The following KLRD1 variants were observed in gnomAD, a reference collection of about 807,000 sequenced individuals.
KLRD1 encodes killer cell lectin like receptor D1.
In KLRD1, 21 loss-of-function variants were observed where a neutral mutation model predicts 22.6. The observed-to-expected ratio is 0.93, with a 90% CI of 0.66 to 1.34. The LOEUF (loss-of-function observed/expected upper bound fraction) is 1.34. Among genes scored for constraint, KLRD1 ranks in the 40% most tolerant of loss-of-function variants. KLRD1 has a pLI of 0.00. For synonymous variants in KLRD1, 59 were observed against 71.1 expected, an observed-to-expected ratio of 0.83 and a Z score of 0.85; for missense variants, 183 against 208.6, an observed-to-expected ratio of 0.88 and a Z score of 0.76.
Position 10,311,571 on chromosome 12 carries a change from T to C in KLRD1, c.271T>C (p.Ser91Pro). ...TWNESRHLCASQKSSLLQLQN... is the reference protein window; with the variant it reads ...TWNESRHLCAPQKSSLLQLQN... ...GAACGAAAGTCGGCATCTCTGTGCT[T>C]CTCAGAAATCCAGCCTGCTTCAGCT... The change falls in exon 4 of 6, where the codon TCT (serine) becomes CCT (proline). Residue 91 changes from serine (S) to proline (P), a missense_variant. By Grantham distance (74) the Ser-to-Pro change is moderately conservative. Coordinates refer to ENST00000336164, the MANE Select transcript of KLRD1 (RefSeq NM_002262.5). 1 of 1,614,164 alleles carries C rather than the reference T, an allele frequency of 6.2e-7. No individual in the cohort carries two copies. Among genetic ancestry groups the C allele is most frequent in the Non-Finnish European group, 8.5e-7 (1 of 1,179,986 alleles).
At position 10,314,884 on chromosome 12, in the gene KLRD1, T is replaced by TAA; in HGVS notation, c.*91_*92insAA. 1 of 1,198,264 alleles carries TAA rather than the reference T, an allele frequency of 8.3e-7. No individual in the cohort carries two copies. The highest frequency in any genetic ancestry group is 2.6e-5 in the East Asian group (1 of 39,180). 74.2% of individuals were successfully genotyped at this position (1,198,264 alleles called of 1,614,324 possible). On this transcript the variant is annotated 3_prime_UTR_variant, in exon 6 of 6. Coordinates refer to ENST00000336164, the MANE Select transcript of KLRD1 (RefSeq NM_002262.5). ...TGTTATATTATTACTAATTGTCTACTTCTGGAGTCTATAAAATGTTTTTAA... is the reference window on the plus strand; with the variant it reads ...TGTTATATTATTACTAATTGTCTACTAATCTGGAGTCTATAAAATGTTTTTAA...
chr12:10,244,951 T>C (rs1164948663), intron 1 of KLRD1, among the ~76,000 whole-genome samples: 1 of 152,198 alleles, frequency 6.6e-6, no homozygotes, highest in Non-Finnish European at 1.5e-5. Context: ...TGTCAGGCTT[T>C]GTGTAAAGCA....
intron 1 of KLRD1, among the ~76,000 whole-genome samples, chr12:10,293,956 C>T (rs1949799788): frequency 6.6e-6 from 1 of 152,122 alleles, no homozygotes; most frequent in Non-Finnish European, 1.5e-5. Context: ...TTTTTATTCC[C>T]TTGGTATGAA....
chr12:10,284,292 A>G (rs1487026640), intron 1 of KLRD1, among the ~76,000 whole-genome samples: 1 of 152,250 alleles, frequency 6.6e-6, no homozygotes, highest in East Asian at 1.9e-4. Context: ...TAGGTTTACT[A>G]TAACATGTGT....
intron 1 of KLRD1, among the ~76,000 whole-genome samples, chr12:10,267,917 C>T (rs546792372): frequency 1.3e-4 from 20 of 152,182 alleles, no homozygotes; most frequent in African/African-American, 4.3e-4. Flanking sequence ...GAGGCTGGTT[C>T]GGGAGAAAGG....
At chr12:10,261,659 A>C (rs1949455327) in intron 1 of KLRD1, among the ~76,000 whole-genome samples, 1 of 152,190 alleles carries the variant, frequency 6.6e-6, no homozygotes, top group African/African-American at 2.4e-5. Context: ...GGATCAGCAA[A>C]GCATAATGAC....
chr12:10,307,431 T>C (rs1191640724), upstream of KLRD1, among the ~76,000 whole-genome samples: 1 of 152,140 alleles, frequency 6.6e-6, no homozygotes, highest in Non-Finnish European at 1.5e-5. Flanking sequence ...GAAATCCCAA[T>C]TTATGTGACC....
At chr12:10,284,839 G>T (rs1029825759) in intron 1 of KLRD1, among the ~76,000 whole-genome samples, 6 of 152,022 alleles carry the variant, frequency 3.9e-5, no homozygotes, top group Admixed American at 6.6e-5. Flanking sequence ...AAATTAGCCG[G>T]GCATGGTGGT....
intron 1 of KLRD1, among the ~76,000 whole-genome samples, chr12:10,284,393 A>G (rs1949680026): frequency 6.6e-6 from 1 of 152,328 alleles, no homozygotes. Flanking sequence ...AGAATTGAGT[A>G]TAATTTAATC....
At position 10,323,414 on chromosome 12, in the gene KLRD1, A is replaced by G. The variant is rs1950328267; in HGVS notation, c.*8621A>G. 1 of 144,934 alleles carries G rather than the reference A, an allele frequency of 6.9e-6. No homozygotes were observed. The highest frequency in any genetic ancestry group is 1.5e-5 in the Non-Finnish European group (1 of 66,016). The allele number at this position is 144,934 out of a possible 1,614,324, so 9.0% of individuals were successfully genotyped here. The stretch of plus-strand genomic sequence containing the variant: ...CATTTAATTTCCATCTTCCAAATGA[A>G]TAATGATGCTTATCCCTCATCTTTT... On this transcript the variant is annotated 3_prime_UTR_variant, in exon 6 of 6. Transcript: ENST00000336164.
chr12:10,263,791 G>A lies in KLRD1; in HGVS notation c.-101+37558G>A, dbSNP rs576781154. Among the ~76,000 whole-genome samples the A allele has an allele frequency of 8.6e-4, 131 of 152,022 alleles. 1 individual carries two copies. Among genetic ancestry groups the A allele is most frequent in the Non-Finnish European group, 3.8e-4 (26 of 67,870 alleles). ...ATAAGTATTGCTGAGTCGTTCCCTC[G>A]CCAGACCCAGAGTATTGAAGTTGAG... On this transcript the variant is annotated intron_variant, in intron 1 of 5. Transcript: ENST00000544747.
chr12:10,303,841 G>C (rs1949887592), upstream of KLRD1, among the ~76,000 whole-genome samples: 1 of 152,160 alleles, frequency 6.6e-6, no homozygotes, highest in Admixed American at 6.5e-5. Flanking sequence ...GGGTGGCAAA[G>C]TTTTGAGCAG....
At chr12:10,274,902 T>C (rs910514889) in intron 1 of KLRD1, among the ~76,000 whole-genome samples, 2 of 152,164 alleles carry the variant, frequency 1.3e-5, no homozygotes, top group African/African-American at 4.8e-5. Flanking sequence ...TATCTTTTTC[T>C]TTTTTGGAGA....
chr12:10,309,908 A>T lies in KLRD1; in HGVS notation c.163+220A>T, dbSNP rs117479848. On this transcript the variant is annotated intron_variant, in intron 3 of 5. Coordinates refer to ENST00000336164, the MANE Select transcript of KLRD1 (RefSeq NM_002262.5). ...ACATTTAACTAATCAGGAAAATAGT[A>T]GCCTGAAACGAAAGATATGTTTCCT... Among the ~76,000 whole-genome samples, 645 of 152,382 alleles carry T rather than the reference A, an allele frequency of 4.2e-3. 30 individuals carry two copies. The East Asian group carries it at 0.073, about 17-fold the overall frequency.
rs1949446136 is a variant in KLRD1 at position 10,260,814 on chromosome 12, C to T, written c.-101+34581C>T. 3.3e-5 allele frequency among the ~76,000 whole-genome samples: 5 copies of T among 152,086 alleles called. No individual in the cohort carries two copies. The South Asian group carries it at 1.0e-3, about 32-fold the overall frequency. On this transcript the variant is annotated intron_variant, in intron 1 of 5. Transcript: ENST00000544747. ...AAAATTAGCCGGGTGTGGTGGTGGG[C>T]ACCTGTAGTCCCAGCTACTCGGGAG...
At chr12:10,306,785 T>C (rs990866852), upstream of KLRD1, among the ~76,000 whole-genome samples, 1 of 152,210 alleles carries the variant, frequency 6.6e-6, no homozygotes, top group Non-Finnish European at 1.5e-5. Context: ...AAAGCAGCTC[T>C]AGGCACACAA....
chr12:10,239,886 C>T (rs566665243), intron 1 of KLRD1, among the ~76,000 whole-genome samples: 4 of 151,972 alleles, frequency 2.6e-5, no homozygotes, highest in Admixed American at 2.0e-4. Context: ...AAGTGATCCG[C>T]CCGCCTCAGC....
intron 1 of KLRD1, among the ~76,000 whole-genome samples, chr12:10,254,200 G>A (rs929748947): frequency 1.3e-5 from 2 of 150,652 alleles, no homozygotes; most frequent in African/African-American, 4.9e-5. Flanking sequence ...AGGCCGAGAC[G>A]GGTGGATCAC....
upstream of KLRD1, among the ~76,000 whole-genome samples, chr12:10,307,206 TATA>T (rs1168354917): frequency 6.6e-6 from 1 of 152,130 alleles, no homozygotes; most frequent in Non-Finnish European, 1.5e-5. Flanking sequence ...CACTAAACAA[TATA>T]ATAATGTATT....
Sources: allele counts gnomAD v4.1 joint callset (sites outside exome capture counted in the v4.1 genomes callset), GRCh38; gene constraint gnomAD v4.1.1; transcripts MANE v1.5; gene names NCBI Gene and HGNC (gene_info 2026-07-23, HGNC 2026-07-21).